Variants in PCDH7 observed in about 807,000 individuals in gnomAD.
PCDH7 encodes the protein protocadherin-7.
In PCDH7, 17 loss-of-function variants were observed where a neutral mutation model predicts 58.9. The ratio of observed to expected loss-of-function variants is 0.29; its 90% CI spans 0.20 to 0.43. The LOEUF (loss-of-function observed/expected upper bound fraction) is 0.43, where lower values mean the gene tolerates loss of function less well. PCDH7 is among the 20% of genes least tolerant of loss of function. The pLI is 1.00. For missense variants in PCDH7, 1,274 were observed against 1,441.0 expected (o/e 0.88, Z 1.88); for synonymous variants, 664 against 616.4 (o/e 1.08, Z -1.14).
chr4:31,122,606 T>C (rs1426668068), intron 3 of PCDH7, among the ~76,000 whole-genome samples: 1 of 151,980 alleles, frequency 6.6e-6, no homozygotes, highest in Non-Finnish European at 1.5e-5. Context: ...TTCTTCAAAT[T>C]ATTTTTTTTT....
chr4:31,081,032 G>A (rs2036244), intron 3 of PCDH7, among the ~76,000 whole-genome samples: 35,707 of 152,076 alleles, frequency 0.23, 4,432 homozygotes, highest in South Asian at 0.33. Flanking sequence ...GTGGAAATGT[G>A]AGTCCTTTAA....
chr4:31,109,434 A>G (rs997879496), intron 3 of PCDH7, among the ~76,000 whole-genome samples: 8 of 152,222 alleles, frequency 5.3e-5, no homozygotes, highest in Admixed American at 3.9e-4. Flanking sequence ...AAGCCATGAA[A>G]TAGTCAAATT....
intron 1 of PCDH7, among the ~76,000 whole-genome samples, chr4:30,745,470 TGAC>T (rs2109252623): frequency 6.6e-6 from 1 of 152,306 alleles, no homozygotes; most frequent in South Asian, 2.1e-4. Flanking sequence ...GACTGGTTGA[TGAC>T]AGCTTTTAAG....
At chr4:31,028,674 A>G (rs1029613329) in intron 3 of PCDH7, among the ~76,000 whole-genome samples, 5 of 148,650 alleles carry the variant, frequency 3.4e-5, no homozygotes, top group African/African-American at 1.3e-4. Context: ...AAAAAAAAAT[A>G]CCCAAACTTT....
intron 3 of PCDH7, among the ~76,000 whole-genome samples, chr4:30,966,068 A>G (rs967612998): frequency 2.6e-5 from 4 of 152,190 alleles, no homozygotes; most frequent in African/African-American, 4.8e-5. Flanking sequence ...CTGACCATCA[A>G]CATTATAACT....
intron 3 of PCDH7, among the ~76,000 whole-genome samples, chr4:30,988,803 T>C (rs1353262808): frequency 1.3e-5 from 2 of 152,190 alleles, no homozygotes; most frequent in Non-Finnish European, 2.9e-5. Flanking sequence ...TAAATGAAAC[T>C]GGGAATGGAA....
chr4:30,962,978 C>G (rs11938163), intron 3 of PCDH7, among the ~76,000 whole-genome samples: 1 of 151,778 alleles, frequency 6.6e-6, no homozygotes, highest in Admixed American at 6.6e-5. Flanking sequence ...AGGAATAAGT[C>G]ACATTGTCAT....
chr4:30,951,838 C>T (rs114703895), intron 3 of PCDH7, among the ~76,000 whole-genome samples: 27 of 152,236 alleles, frequency 1.8e-4, no homozygotes, highest in African/African-American at 6.5e-4. Context: ...CCTCATTTCT[C>T]CCCAGGAAAG....
chr4:30,990,172 T>C (rs1751346708), intron 3 of PCDH7, among the ~76,000 whole-genome samples: 1 of 152,128 alleles, frequency 6.6e-6, no homozygotes, highest in South Asian at 2.1e-4. Flanking sequence ...TTCTACATTT[T>C]TCTTTATAAA....
At chr4:30,985,364 A>G (rs540231188) in intron 3 of PCDH7, among the ~76,000 whole-genome samples, 4 of 152,206 alleles carry the variant, frequency 2.6e-5, no homozygotes, top group Non-Finnish European at 5.9e-5. Flanking sequence ...GAAACATTAT[A>G]GACTATTACC....
At chr4:31,031,628 C>A (rs1248780477) in intron 3 of PCDH7, among the ~76,000 whole-genome samples, 1 of 151,680 alleles carries the variant, frequency 6.6e-6, no homozygotes, top group Non-Finnish European at 1.5e-5. Flanking sequence ...AAATATTTCA[C>A]TGGATGTAAT....
At chr4:31,041,742 A>G (rs759777477) in intron 3 of PCDH7, among the ~76,000 whole-genome samples, 1 of 152,096 alleles carries the variant, frequency 6.6e-6, no homozygotes, top group Admixed American at 6.6e-5. Context: ...TTTTCATCCA[A>G]TCAATATGCT....
At chr4:30,769,516 A>G (rs780491983) in intron 1 of PCDH7, among the ~76,000 whole-genome samples, 7 of 152,116 alleles carry the variant, frequency 4.6e-5, no homozygotes, top group Non-Finnish European at 1.0e-4. Context: ...CCATGCATGT[A>G]TCTTCCTTTT....
chr4:30,743,993 G>A (rs1355051249), intron 1 of PCDH7, among the ~76,000 whole-genome samples: 1 of 152,118 alleles, frequency 6.6e-6, no homozygotes, highest in East Asian at 1.9e-4. Context: ...AAAGACATGG[G>A]ATTGTAGGCA....
intron 3 of PCDH7, among the ~76,000 whole-genome samples, chr4:31,119,800 C>A (rs1014924978): frequency 2.6e-5 from 4 of 152,076 alleles, no homozygotes; most frequent in Non-Finnish European, 5.9e-5. Context: ...TCCAGAAGAA[C>A]CTGAGGCATT....
chr4:30,791,125 G>A (rs1724072332), intron 1 of PCDH7, among the ~76,000 whole-genome samples: 1 of 152,028 alleles, frequency 6.6e-6, no homozygotes, highest in Non-Finnish European at 1.5e-5. Flanking sequence ...GAGGAAAATG[G>A]CAACTGCATT....
At chr4:30,907,144 A>T (rs1019383077) in intron 1 of PCDH7, among the ~76,000 whole-genome samples, 1 of 152,178 alleles carries the variant, frequency 6.6e-6, no homozygotes, top group Non-Finnish European at 1.5e-5. Flanking sequence ...TGACCTGTCT[A>T]TGGACTTCTC....
At chr4:30,884,290 C>T (rs1387466236) in intron 1 of PCDH7, among the ~76,000 whole-genome samples, 1 of 152,030 alleles carries the variant, frequency 6.6e-6, no homozygotes, top group Non-Finnish European at 1.5e-5. Context: ...GTATTTTGCA[C>T]AAGGTTATGG....
At chr4:31,014,505 C>T (rs1472833567) in intron 3 of PCDH7, among the ~76,000 whole-genome samples, 1 of 152,086 alleles carries the variant, frequency 6.6e-6, no homozygotes, top group Non-Finnish European at 1.5e-5. Context: ...CAGGACTGGA[C>T]TGAACTGAGC....
Sources: gnomAD v4.1 joint callset for allele counts (sites outside exome capture counted in the v4.1 genomes callset) on GRCh38, gnomAD v4.1.1 for gene constraint, MANE v1.5 for transcripts, NCBI Gene and HGNC (gene_info 2026-07-23, HGNC 2026-07-21) for gene names.